Variants in NEDD9 observed in about 807,000 individuals in gnomAD.
NEDD9 encodes enhancer of filamentation 1.
Under a neutral mutation model 76.6 loss-of-function variants are expected in NEDD9, and 26 were observed. The observed-to-expected ratio is 0.34, with a 90% CI of 0.25 to 0.47. NEDD9 has a LOEUF of 0.47. Among genes scored for constraint, NEDD9 ranks in the 20% least tolerant of loss-of-function variants. NEDD9 has a pLI of 1.00. For synonymous variants in NEDD9, 392 were observed against 414.2 expected, an observed-to-expected ratio of 0.95 and a Z score of 0.65; for missense variants, 937 against 1,058.5, an observed-to-expected ratio of 0.89 and a Z score of 1.59.
At chr6:11,294,556 A>G (rs543592370) in intron 3 of NEDD9, among the ~76,000 whole-genome samples, 28 of 152,206 alleles carry the variant, frequency 1.8e-4, no homozygotes, top group African/African-American at 6.5e-4. Context: ...CTCTGCAGCC[A>G]TGTTTCCTGT....
Position 11,199,637 on chromosome 6 carries a change from C to CTT in NEDD9, c.460-5947_460-5946dup, listed in dbSNP as rs59651160. ...AAAATGAAGAAAAGCTAGGAAAGATCTTTTTTTTTTTTTTTTTTTTTTTTT... is the reference window on the plus strand; with the variant it reads ...AAAATGAAGAAAAGCTAGGAAAGATCTTTTTTTTTTTTTTTTTTTTTTTTTTT... On this transcript the variant is annotated intron_variant, in intron 2 of 6. Transcript: ENST00000379446. 7 of 43,144 alleles carry CTT rather than the reference C, an allele frequency of 1.6e-4. 1 individual carries two copies. Among genetic ancestry groups the CTT allele is most frequent in the African/African-American group, 2.5e-4 (3 of 11,852 alleles). 2.7% of individuals were successfully genotyped at this position (43,144 alleles called of 1,614,324 possible).
At chr6:11,379,327 C>G (rs765250384) in intron 1 of NEDD9, among the ~76,000 whole-genome samples, 10 of 152,160 alleles carry the variant, frequency 6.6e-5, no homozygotes, top group Non-Finnish European at 8.8e-5. Flanking sequence ...GTGGCTCATG[C>G]CTGTAATCCC....
At chr6:11,236,078 A>G (rs1172166987), upstream of NEDD9, among the ~76,000 whole-genome samples, 6 of 152,226 alleles carry the variant, frequency 3.9e-5, no homozygotes, top group Non-Finnish European at 8.8e-5. This position sits in a 1 kb window ranked among gnomAD's most constrained non-coding sequence, Gnocchi z 5.5. Flanking sequence ...CTTCAGGGAA[A>G]CACAAATTGT....
In NEDD9 at chr6:11,344,435, G is replaced by A. The variant is rs113096574; in HGVS notation, c.-213-9874C>T. Among the ~76,000 whole-genome samples the A allele has an allele frequency of 2.8e-3, 433 of 152,302 alleles. 2 individuals are homozygous for A. The highest frequency in any genetic ancestry group is 8.9e-3 in the African/African-American group (368 of 41,568). ...CATCCCATGGCAACACATTCCTGTC[G>A]TAAGCATCACACTCTTCCAAAGAAA... is the stretch of plus-strand genomic sequence containing the variant. On this transcript the variant is annotated intron_variant, in intron 1 of 3. Coordinates refer to the NEDD9 transcript ENST00000397378.
At chr6:11,366,166 C>T (rs1472574510) in intron 1 of NEDD9, among the ~76,000 whole-genome samples, 2 of 151,924 alleles carry the variant, frequency 1.3e-5, no homozygotes, top group African/African-American at 4.8e-5. Flanking sequence ...TGCCTGTAAC[C>T]CCAGCTACTC....
chr6:11,351,640 A>T (rs531046328), intron 1 of NEDD9, among the ~76,000 whole-genome samples: 2 of 152,310 alleles, frequency 1.3e-5, no homozygotes, highest in Admixed American at 6.5e-5. Flanking sequence ...AATCTGAGCC[A>T]ACAGATGTGG....
intron 1 of NEDD9, among the ~76,000 whole-genome samples, chr6:11,350,130 G>C (rs1210002670): frequency 1.3e-5 from 2 of 152,136 alleles, no homozygotes; most frequent in East Asian, 3.8e-4. Flanking sequence ...TGGCCAAAGA[G>C]TGCAAGGGTT....
At chr6:11,352,103 C>T (rs547843040) in intron 1 of NEDD9, 2 of 152,362 alleles carry the variant, frequency 1.3e-5, no homozygotes, top group East Asian at 3.9e-4. Context: ...TCCAGTCTCC[C>T]TGCTCTTTCA....
intron 1 of NEDD9, among the ~76,000 whole-genome samples, chr6:11,226,140 T>C (rs1377823646): frequency 6.6e-6 from 1 of 152,228 alleles, no homozygotes; most frequent in African/African-American, 2.4e-5. Flanking sequence ...CAGGCTGTCA[T>C]GTTCCCTAGC....
intron 2 of NEDD9, among the ~76,000 whole-genome samples, chr6:11,315,976 A>G (rs1325670028): frequency 6.6e-6 from 1 of 152,034 alleles, no homozygotes; most frequent in African/African-American, 2.4e-5. Context: ...AGTCCTTTAA[A>G]CCCTTTTGAG....
intron 5 of NEDD9, 90 bp downstream of exon 5, chr6:11,189,874 G>T: frequency 1.4e-6 from 2 of 1,418,694 alleles, no homozygotes; most frequent in Non-Finnish European, 1.9e-6. Flanking sequence ...TCTCTCCTTT[G>T]GCAGTCCAAC....
At chr6:11,278,061 C>T (rs1760451922) in intron 3 of NEDD9, among the ~76,000 whole-genome samples, 1 of 152,178 alleles carries the variant, frequency 6.6e-6, no homozygotes, top group South Asian at 2.1e-4. Context: ...TCGGGTGCTT[C>T]CTCTCTGCTG....
intron 3 of NEDD9, among the ~76,000 whole-genome samples, chr6:11,275,993 A>G (rs555906584): frequency 6.6e-6 from 1 of 152,338 alleles, no homozygotes; most frequent in African/African-American, 2.4e-5. Flanking sequence ...CACTACTTTA[A>G]AGTGTTTTAA....
intron 1 of NEDD9, among the ~76,000 whole-genome samples, chr6:11,354,531 A>G (rs1384800167): frequency 6.6e-6 from 1 of 152,200 alleles, no homozygotes; most frequent in Non-Finnish European, 1.5e-5. Context: ...ATAGAGGAAG[A>G]CATGGAGCTG....
intron 3 of NEDD9, chr6:11,305,980 A>T: frequency 6.2e-7 from 1 of 1,613,884 alleles, no homozygotes; most frequent in East Asian, 2.2e-5. Flanking sequence ...GTTTTTTTCT[A>T]TCAGTACTCA....
chr6:11,223,303 A>T (rs1759199066), intron 1 of NEDD9, among the ~76,000 whole-genome samples: 2 of 152,124 alleles, frequency 1.3e-5, no homozygotes, highest in Admixed American at 6.5e-5. Flanking sequence ...ATATTAATAG[A>T]CATGTTCTTC....
At chr6:11,196,828 C>T (rs1008841432) in intron 2 of NEDD9, among the ~76,000 whole-genome samples, 5 of 151,976 alleles carry the variant, frequency 3.3e-5, no homozygotes, top group Non-Finnish European at 5.9e-5. Flanking sequence ...TGCAGCAATC[C>T]GCATTGTGAC....
intron 1 of NEDD9, among the ~76,000 whole-genome samples, chr6:11,222,943 T>C (rs1759189979): frequency 6.6e-6 from 1 of 152,244 alleles, no homozygotes; most frequent in Non-Finnish European, 1.5e-5. Context: ...CCACTGCTTC[T>C]CAACTAGGAG....
rs1324762079 is a variant in NEDD9, at chr6:11,370,984, A to G, written c.-214+11155T>C. On this transcript the variant is annotated intron_variant, in intron 1 of 3. Coordinates refer to the NEDD9 transcript ENST00000397378. The surrounding 1 kb of genome is among the most constrained non-coding windows in gnomAD (Gnocchi z 4.2). ...CAGAGCTGAATGAGGAAGGGGACGG[A>G]GCCTGGCAGGGATCTCCCAGAAGGT... 6.6e-6 allele frequency among the ~76,000 whole-genome samples: 1 copy of G among 152,108 alleles called. No homozygotes were observed.
Sources: gnomAD v4.1 joint callset for allele counts (sites outside exome capture counted in the v4.1 genomes callset) on GRCh38, gnomAD v4.1.1 for gene constraint, Gnocchi (gnomAD v3.1) non-coding constraint, MANE v1.5 for transcripts, NCBI Gene and HGNC (gene_info 2026-07-23, HGNC 2026-07-21) for gene names.